Variants in PAH observed in about 807,000 individuals in gnomAD.
PAH encodes the protein phenylalanine hydroxylase.
Under a neutral mutation model 62.0 loss-of-function variants are expected in PAH, and 64 were observed. That is an observed-to-expected ratio of 1.03 (90% CI 0.84 to 1.27). PAH has a LOEUF of 1.27. PAH is among the 50% of genes most tolerant of loss of function. PAH has a pLI of 0.00. For synonymous variants in PAH, 195 were observed against 196.2 expected, an observed-to-expected ratio of 0.99 and a Z score of 0.05; for missense variants, 579 against 542.8, an observed-to-expected ratio of 1.07 and a Z score of -0.66.
At chr12:102,866,741 G>C (rs1875991721) in intron 4 of PAH, 78 bp from the exon 5 acceptor site, 2 of 1,169,118 alleles carry the variant, frequency 1.7e-6, no homozygotes, top group Non-Finnish European at 2.6e-6. Flanking sequence ...TTTGAATGGG[G>C]GCTCTCAAGC....
At chr12:102,849,705 G>T (rs1049962596) in intron 8 of PAH, among the ~76,000 whole-genome samples, 2 of 152,158 alleles carry the variant, frequency 1.3e-5, no homozygotes, top group Non-Finnish European at 2.9e-5. Context: ...AGAAACCACT[G>T]ATAAATCCAA....
chr12:102,933,098 C>A (rs1409828021), intron 1 of PAH, among the ~76,000 whole-genome samples: 1 of 152,104 alleles, frequency 6.6e-6, no homozygotes, highest in Non-Finnish European at 1.5e-5. Flanking sequence ...TATTTTTGTA[C>A]CATTAACCAT....
Position 102,877,545 on chromosome 12 carries a change from A to G in PAH, c.358T>C (p.Trp120Arg), listed in dbSNP as rs775327122. ...AGCTCTTGAATGGTTCTTGGGAACC[A>G]GGGCACTGAAACACAGAGAAGGCAA... ...SRDKKKDTVP[W>R]FPRTIQELDR... The change falls in exon 4 of 13, where the codon TGG becomes CGG. Residue 120 changes from tryptophan to arginine, a missense_variant. By Grantham distance (101) the Trp-to-Arg change is moderately radical (BLOSUM62 -3). Coordinates refer to ENST00000553106, the MANE Select transcript of PAH (RefSeq NM_000277.3). 4 of 1,613,770 alleles carry G rather than the reference A, an allele frequency of 2.5e-6. No homozygotes were observed. Among genetic ancestry groups the G allele is most frequent in the Non-Finnish European group, 8.5e-7 (1 of 1,179,650 alleles).
intron 4 of PAH, among the ~76,000 whole-genome samples, chr12:102,872,070 A>G (rs1350869868): frequency 1.3e-5 from 2 of 151,292 alleles, no homozygotes; most frequent in Non-Finnish European, 2.9e-5. Context: ...TCTGTGCTCT[A>G]AGGGGACATA....
intron 1 of PAH, among the ~76,000 whole-genome samples, chr12:102,943,731 A>C (rs1408730687): frequency 6.6e-6 from 1 of 152,228 alleles, no homozygotes; most frequent in African/African-American, 2.4e-5. Context: ...TTATATCATA[A>C]AAATGAATGA....
At chr12:102,935,686 G>C (rs543048893) in intron 1 of PAH, among the ~76,000 whole-genome samples, 1 of 141,452 alleles carries the variant, frequency 7.1e-6, no homozygotes, top group East Asian at 1.9e-4. Flanking sequence ...GTGTACAGTT[G>C]CTCATTGTAG....
At chr12:102,940,990 C>T (rs964359845) in intron 1 of PAH, among the ~76,000 whole-genome samples, 12 of 152,174 alleles carry the variant, frequency 7.9e-5, no homozygotes, top group African/African-American at 2.4e-4. Context: ...AGAAGCCCTA[C>T]AAACCAGAAG....
rs1257495145 is a variant in PAH at position 102,894,810 on chromosome 12, T to C, written c.277A>G (p.Asn93Asp). The C allele has an allele frequency of 6.2e-7, 1 of 1,613,984 alleles. No homozygotes were observed. The highest frequency in any genetic ancestry group is 8.5e-7 in the Non-Finnish European group (1 of 1,180,004). Residue 93 changes from asparagine to aspartate, a missense_variant, in exon 3 of 13, where the codon AAC becomes GAC. Physicochemically the swap from Asn to Asp is conservative, Grantham distance 23 (BLOSUM62 1). Transcript: ENST00000553106. ...TCATGCCTCAAGATCTTGATGATGT[T>C]TGTCAGAGCAGGCAGGCTACGTTTA... is the stretch of plus-strand genomic sequence containing the variant. ...LDKRSLPALT[N>D]IIKILRHDIG...
intron 1 of PAH, among the ~76,000 whole-genome samples, chr12:102,937,541 A>AT (rs1879143266): frequency 1.3e-5 from 2 of 152,188 alleles, no homozygotes. Flanking sequence ...GAGAAAACTA[A>AT]TTTTAAAACT....
chr12:102,917,119 C>G lies in PAH; in HGVS notation c.12G>C (p.Ala4=). MST[A]VLENPGLGRK... Reference sequence around the variant, plus strand: ...TGCCCAAGCCTGGGTTTTCCAGGACCGCAGTGGACATGCTGGCTCCCCGGG... The same window carrying G: ...TGCCCAAGCCTGGGTTTTCCAGGACGGCAGTGGACATGCTGGCTCCCCGGG... The change falls in exon 1 of 13, where the codon GCG becomes GCC. Residue 4 remains alanine, a synonymous_variant. Transcript: ENST00000553106. 1 of 1,614,182 alleles carries G rather than the reference C, an allele frequency of 6.2e-7. No individual in the cohort carries two copies. Among genetic ancestry groups the G allele is most frequent in the Non-Finnish European group, 8.5e-7 (1 of 1,180,020 alleles).
intron 9 of PAH, 118 bp downstream of exon 9, chr12:102,846,777 C>T: frequency 1.2e-6 from 1 of 800,686 alleles, no homozygotes; most frequent in Non-Finnish European, 2.2e-6. Flanking sequence ...TGTAACCCAC[C>T]ACATTCTGAT....
At chr12:102,944,359 T>C (rs188791937) in intron 1 of PAH, among the ~76,000 whole-genome samples, 1 of 152,282 alleles carries the variant, frequency 6.6e-6, no homozygotes, top group East Asian at 1.9e-4. Flanking sequence ...TACCCCCATC[T>C]CTCTCTCTAC....
chr12:102,873,631 C>T (rs1349274676), intron 4 of PAH, among the ~76,000 whole-genome samples: 2 of 152,212 alleles, frequency 1.3e-5, no homozygotes, highest in Admixed American at 6.5e-5. Context: ...CACATGCTAT[C>T]TGACTCATGA....
chr12:102,949,890 A>G (rs1879672280), intron 1 of PAH, among the ~76,000 whole-genome samples: 1 of 152,184 alleles, frequency 6.6e-6, no homozygotes, highest in African/African-American at 2.4e-5. Flanking sequence ...AATGTCTACT[A>G]AGTCACAAAT....
chr12:102,900,971 T>C (rs891928613), intron 2 of PAH, among the ~76,000 whole-genome samples: 1 of 152,182 alleles, frequency 6.6e-6, no homozygotes, highest in Non-Finnish European at 1.5e-5. Flanking sequence ...GCATAAAAGA[T>C]GGCAGCATAA....
chr12:102,935,848 T>C (rs1406743945), intron 1 of PAH, among the ~76,000 whole-genome samples: 1 of 152,030 alleles, frequency 6.6e-6, no homozygotes. Context: ...CAACTTTTTG[T>C]TATGTTGATC....
At chr12:102,906,489 A>G (rs1272524185) in intron 2 of PAH, among the ~76,000 whole-genome samples, 1 of 152,170 alleles carries the variant, frequency 6.6e-6, no homozygotes, top group Non-Finnish European at 1.5e-5. Flanking sequence ...ATAAAATATG[A>G]TACACAGATA....
chr12:102,909,307 G>A (rs556954743), intron 2 of PAH, among the ~76,000 whole-genome samples: 1 of 152,276 alleles, frequency 6.6e-6, no homozygotes, highest in African/African-American at 2.4e-5. Context: ...TTGTGTGGAG[G>A]AAGACCACAG....
At chr12:102,949,307 A>G (rs993886644) in intron 1 of PAH, among the ~76,000 whole-genome samples, 2 of 152,180 alleles carry the variant, frequency 1.3e-5, no homozygotes, top group Non-Finnish European at 2.9e-5. Flanking sequence ...GGTCTCACTG[A>G]TGACATCATT....
Sources: gnomAD v4.1 joint callset for allele counts (sites outside exome capture counted in the v4.1 genomes callset) on GRCh38, gnomAD v4.1.1 for gene constraint, MANE v1.5 for transcripts, NCBI Gene and HGNC (gene_info 2026-07-23, HGNC 2026-07-21) for gene names.